CSGALNACT1: variants seen among roughly 807,000 people sequenced by gnomAD.
CSGALNACT1 encodes the protein chondroitin sulfate N-acetylgalactosaminyltransferase 1.
CSGALNACT1 carries 52 observed loss-of-function variants against 51.0 expected under a neutral mutation model. The observed-to-expected ratio is 1.02, with a 90% confidence interval of 0.82 to 1.29. CSGALNACT1 has a LOEUF of 1.29. Ranked by LOEUF, CSGALNACT1 falls within the 50% of genes most tolerant of loss-of-function variation. The pLI, the probability that CSGALNACT1 is intolerant of heterozygous loss-of-function variation, is 0.00. For missense variants in CSGALNACT1, 935 were observed against 679.2 expected (o/e 1.38, Z -4.19); for synonymous variants, 341 against 254.4 (o/e 1.34, Z -3.24).
chr8:19,656,205 C>T (rs531063210), intron 1 of CSGALNACT1, among the ~76,000 whole-genome samples: 25 of 152,254 alleles, frequency 1.6e-4, no homozygotes, highest in Middle Eastern at 3.4e-3. Context: ...CACAATGTTA[C>T]ATCAACAAGC....
At chr8:19,487,985 T>C (rs1286781630) in intron 4 of CSGALNACT1, among the ~76,000 whole-genome samples, 1 of 152,122 alleles carries the variant, frequency 6.6e-6, no homozygotes, top group Non-Finnish European at 1.5e-5. Context: ...AGACACCCTC[T>C]CACCTCACAT....
chr8:19,429,372 T>TCA (rs2059304904), intron 6 of CSGALNACT1, among the ~76,000 whole-genome samples: 1 of 152,166 alleles, frequency 6.6e-6, no homozygotes, highest in South Asian at 2.1e-4. Flanking sequence ...ATATGGGGTT[T>TCA]CACCATGTTG....
chr8:19,612,647 C>A (rs1036152091), intron 1 of CSGALNACT1, among the ~76,000 whole-genome samples: 1 of 152,046 alleles, frequency 6.6e-6, no homozygotes, highest in Non-Finnish European at 1.5e-5. Flanking sequence ...GCAGCCCCCA[C>A]CCAGAAGCTC....
chr8:19,676,109 A>AAAAAAAAC (rs2060171865), intron 1 of CSGALNACT1, among the ~76,000 whole-genome samples: 1 of 149,514 alleles, frequency 6.7e-6, no homozygotes, highest in Non-Finnish European at 1.5e-5. Flanking sequence ...AACAAAAAAA[A>AAAAAAAAC]CTCCCAGATT....
chr8:19,404,938 C>G, exon 10 of CSGALNACT1: 1 of 454,130 alleles, frequency 2.2e-6, no homozygotes, highest in Non-Finnish European at 4.4e-6. Context: ...TTCCCTATGT[C>G]TCAATGCCTG....
chr8:19,462,779 A>G (rs781589082), intron 4 of CSGALNACT1, among the ~76,000 whole-genome samples: 2 of 150,808 alleles, frequency 1.3e-5, no homozygotes, highest in East Asian at 3.9e-4. Context: ...TATCCTATCA[A>G]TCTGATTTGG....
chr8:19,561,700 C>A lies in CSGALNACT1; in HGVS notation c.-297+29460G>T, dbSNP rs551310383. ...GCATACAGAGAATGATTCTTTTACC[C>A]CTCTGACCTTGTTACTAGAAACTAG... On this transcript the variant is annotated intron_variant, in intron 3 of 9. Transcript: ENST00000454498. Among the ~76,000 whole-genome samples the A allele has an allele frequency of 2.0e-5, 3 of 152,296 alleles. No homozygotes were observed. The East Asian group carries it at 5.8e-4, about 29-fold the overall frequency.
chr8:19,416,603 A>G (rs1017242097), intron 8 of CSGALNACT1, among the ~76,000 whole-genome samples: 3 of 152,140 alleles, frequency 2.0e-5, no homozygotes, highest in Non-Finnish European at 4.4e-5. Flanking sequence ...CTTTTATACC[A>G]TATTTTTCCT....
intron 1 of CSGALNACT1, among the ~76,000 whole-genome samples, chr8:19,755,754 G>C (rs1283513473): frequency 6.6e-6 from 1 of 152,180 alleles, no homozygotes; most frequent in East Asian, 1.9e-4. Flanking sequence ...CGGAGATTCT[G>C]CTTTAAAACC....
At chr8:19,703,037 G>C (rs144932854) in intron 1 of CSGALNACT1, among the ~76,000 whole-genome samples, 2 of 152,272 alleles carry the variant, frequency 1.3e-5, no homozygotes, top group South Asian at 2.1e-4. Flanking sequence ...GCTCAAAAGG[G>C]AAACCTGTAA....
chr8:19,502,089 C>G (rs1334294612), intron 4 of CSGALNACT1, among the ~76,000 whole-genome samples: 1 of 152,168 alleles, frequency 6.6e-6, no homozygotes, highest in East Asian at 1.9e-4. Flanking sequence ...CTTCGCAGAA[C>G]TGTAGAAAGT....
intron 1 of CSGALNACT1, among the ~76,000 whole-genome samples, chr8:19,650,451 T>C (rs1013268376): frequency 1.3e-5 from 2 of 152,144 alleles, no homozygotes; most frequent in African/African-American, 4.8e-5. Flanking sequence ...ACCTAGTAAT[T>C]AGTACATTAT....
chr8:19,458,754 C>T (rs6988056), intron 4 of CSGALNACT1, 112 bp from the exon 4 acceptor site: 2 of 1,004,700 alleles, frequency 2.0e-6, no homozygotes, highest in Non-Finnish European at 3.1e-6. Flanking sequence ...AAGATGAAAT[C>T]TCTCCAACAA....
At position 19,720,878 on chromosome 8, in the gene CSGALNACT1, C is replaced by G. The variant is rs569897448; in HGVS notation, c.-297+36972G>C. On this transcript the variant is annotated intron_variant, in intron 1 of 1. Transcript: ENST00000517494. ...CCTGATGAAGAATCTGAGCCAGATA[C>G]CTGTCCCCAAGGGGGCCTGCTGAAG... Among the ~76,000 whole-genome samples, 81 of 152,320 alleles carry G rather than the reference C, an allele frequency of 5.3e-4. No individual in the cohort carries two copies. The Middle Eastern group carries it at 0.01, about 19-fold the overall frequency.
At chr8:19,545,351 A>C (rs543475370) in intron 3 of CSGALNACT1, among the ~76,000 whole-genome samples, 1 of 152,198 alleles carries the variant, frequency 6.6e-6, no homozygotes, top group Non-Finnish European at 1.5e-5. Flanking sequence ...GAACATTTAA[A>C]TTCATAGATA....
At chr8:19,557,711 G>A (rs28451455) in intron 3 of CSGALNACT1, among the ~76,000 whole-genome samples, 30,927 of 152,094 alleles carry the variant, frequency 0.2, 3,978 homozygotes, top group African/African-American at 0.37. Context: ...TGTCAACTCT[G>A]TTTCCTTTCC....
chr8:19,599,539 G>GAAAGAAA, intron 2 of CSGALNACT1, among the ~76,000 whole-genome samples: 1 of 123,192 alleles, frequency 8.1e-6, no homozygotes, highest in African/African-American at 2.9e-5. Context: ...GAAAGAAAAA[G>GAAAGAAA]AAGGAAAGAA....
At chr8:19,506,049 A>G (rs77913844) in exon 4 of CSGALNACT1, 26,381 of 700,042 alleles carry the variant, frequency 0.038, 616 homozygotes, top group Non-Finnish European at 0.048. Context: ...AGGCAGAAGC[A>G]ATGACTGAAG....
At chr8:19,590,454 G>A (rs1287064048) in intron 3 of CSGALNACT1, among the ~76,000 whole-genome samples, 1 of 152,150 alleles carries the variant, frequency 6.6e-6, no homozygotes, top group East Asian at 1.9e-4. Context: ...TGCACAAAAT[G>A]AGGTGGTGCC....
Sources: gnomAD v4.1 joint callset for allele counts (sites outside exome capture counted in the v4.1 genomes callset) on GRCh38, gnomAD v4.1.1 for gene constraint, MANE v1.5 for transcripts, NCBI Gene and HGNC (gene_info 2026-07-23, HGNC 2026-07-21) for gene names.